PLEKHG3: variants seen among roughly 807,000 people sequenced by gnomAD.
PLEKHG3 encodes the protein pleckstrin homology domain-containing family G member 3.
PLEKHG3 carries 62 observed loss-of-function variants against 94.9 expected under a neutral mutation model. The observed-to-expected ratio is 0.65, with a 90% confidence interval of 0.53 to 0.81. The LOEUF (loss-of-function observed/expected upper bound fraction) is 0.81, where lower values mean the gene tolerates loss of function less well. Among genes scored for constraint, PLEKHG3 ranks in the 30% least tolerant of loss-of-function variants. PLEKHG3 has a pLI of 0.00. For missense variants in PLEKHG3, 1,461 were observed against 1,619.3 expected (o/e 0.90, Z 1.68); for synonymous variants, 614 against 654.0 (o/e 0.94, Z 0.93).
Position 64,727,473 on chromosome 14 carries a change from C to T in PLEKHG3, c.-39-120C>T. The T allele has an allele frequency of 1.7e-6, 1 of 588,178 alleles. No homozygotes were observed. Among genetic ancestry groups the T allele is most frequent in the Non-Finnish European group, 3.0e-6 (1 of 328,472 alleles). The allele number at this position is 588,178 out of a possible 1,614,324, so 36.4% of individuals were successfully genotyped here. The stretch of plus-strand genomic sequence containing the variant: ...AACCTTTTCATCTTCTAAAACTGAA[C>T]TCTGGATGCACTAAATAATACCTTC... On this transcript the variant is annotated intron_variant, in intron 1 of 16. Coordinates refer to ENST00000247226, the MANE Select transcript of PLEKHG3 (RefSeq NM_001308147.2). The surrounding 1 kb of genome is among the most constrained non-coding windows in gnomAD (Gnocchi z 6.0).
chr14:64,734,238 A>C (rs143574846), intron 12 of PLEKHG3, among the ~76,000 whole-genome samples: 2 of 152,168 alleles, frequency 1.3e-5, no homozygotes, highest in South Asian at 4.1e-4. Flanking sequence ...AAAGCTCCAA[A>C]TAGGGGTGTT....
Position 64,747,917 on chromosome 14 carries a change from T to G in PLEKHG3, c.*4214T>G. 6.6e-6 allele frequency: 1 copy of G among 151,388 alleles called. No homozygotes were observed. Among genetic ancestry groups the G allele is most frequent in the East Asian group, 2.0e-4 (1 of 5,116 alleles). 9.4% of individuals were successfully genotyped at this position (151,388 alleles called of 1,614,324 possible). ...GTGGTGGGGAAAATATGGAATGAGC[T>G]TTCTCTTCCTCCAGAAGTATGACCT... On this transcript the variant is annotated 3_prime_UTR_variant, in exon 17 of 17. Transcript: ENST00000247226.
rs58480790 is a variant in PLEKHG3, at chr14:64,716,496, AACAC to A, written c.-39-11045_-39-11042del. Among the ~76,000 whole-genome samples, 3,795 of 79,440 alleles carry A rather than the reference AACAC, an allele frequency of 0.048. 78 individuals are homozygous for A. Among genetic ancestry groups the A allele is most frequent in the Middle Eastern group, 0.087 (11 of 126 alleles). The allele number at this position is 79,440 out of a possible 152,430, so 52.1% of individuals were successfully genotyped here. A position where few individuals can be genotyped will look rare whatever the true frequency, so the allele number is the denominator to read the frequency against. On this transcript the variant is annotated intron_variant, in intron 1 of 16. Coordinates refer to ENST00000247226, the MANE Select transcript of PLEKHG3 (RefSeq NM_001308147.2). The surrounding 1 kb of genome is among the most constrained non-coding windows in gnomAD (Gnocchi z 5.0). ...ACACACACACAACACACACACACAC[AACAC>A]ACACACACACACACACACACACACA...
chr14:64,743,093 T>C lies in PLEKHG3; in HGVS notation c.3050T>C (p.Phe1017Ser), dbSNP rs762491909. The C allele has an allele frequency of 6.2e-7, 1 of 1,613,052 alleles. No individual in the cohort carries two copies. Among genetic ancestry groups the C allele is most frequent in the Non-Finnish European group, 8.5e-7 (1 of 1,179,996 alleles). The stretch of plus-strand genomic sequence containing the variant: ...GAGATGTCACCACAGCGTTTCTTCT[T>C]CAACCCGTCTGCTGTCAGCCAGAGG... ...AGEMSPQRFF[F>S]NPSAVSQRTT... Residue 1017 changes from phenylalanine to serine, a missense_variant, in exon 17 of 17, where the codon TTC becomes TCC. Phe to Ser is a radical substitution (Grantham distance 155). This residue lies in a region of PLEKHG3 where 1,201 missense variants were observed against 1,295.5 expected (regional missense o/e 0.93). Coordinates refer to ENST00000247226, the MANE Select transcript of PLEKHG3 (RefSeq NM_001308147.2). This position sits in a 1 kb window ranked among gnomAD's most constrained non-coding sequence, Gnocchi z 7.2.
intron 14 of PLEKHG3, 96 bp downstream of exon 14, chr14:64,737,471 T>C (rs2081594397): frequency 1.2e-6 from 1 of 801,426 alleles, no homozygotes; most frequent in Non-Finnish European, 2.0e-6. Flanking sequence ...TCTTCATTCA[T>C]TCAACAAATG....
chr14:64,714,955 T>C (rs2081116100), intron 1 of PLEKHG3, among the ~76,000 whole-genome samples: 1 of 152,138 alleles, frequency 6.6e-6, no homozygotes, highest in South Asian at 2.1e-4. Flanking sequence ...AGGAGGTTGT[T>C]ACTGAGTTGA....
rs192973592 is a variant in PLEKHG3, at chr14:64,718,524, G to A, written c.-39-9069G>A. Among the ~76,000 whole-genome samples the A allele has an allele frequency of 1.8e-4, 28 of 152,262 alleles. No homozygotes were observed. The highest frequency in any genetic ancestry group is 1.6e-3 in the Admixed American group (24 of 15,302). On this transcript the variant is annotated intron_variant, in intron 1 of 16. Transcript: ENST00000247226. This position sits in a 1 kb window ranked among gnomAD's most constrained non-coding sequence, Gnocchi z 5.0. ...TGCAGGGCTGCCATGATGTCTTTGT[G>A]CACAGTAGGTGCTTGGTAAACAGCT...
Position 64,718,239 on chromosome 14 carries a change from A to G in PLEKHG3, c.-39-9354A>G, listed in dbSNP as rs2081202622. On this transcript the variant is annotated intron_variant, in intron 1 of 16. Transcript: ENST00000247226. The surrounding 1 kb of genome is among the most constrained non-coding windows in gnomAD (Gnocchi z 5.0). ...GGACTCAAGGCATTGTTTTGTGAATACTCTGTTTATATGGCCATTTTTCCT... is the reference window on the plus strand; with the variant it reads ...GGACTCAAGGCATTGTTTTGTGAATGCTCTGTTTATATGGCCATTTTTCCT... 1.3e-5 allele frequency among the ~76,000 whole-genome samples: 2 copies of G among 151,946 alleles called. No individual in the cohort carries two copies.
Position 64,742,114 on chromosome 14 carries a change from C to T in PLEKHG3, c.2597C>T (p.Pro866Leu), listed in dbSNP as rs751908581. ...AITEESATAS[P>L]ESSSPTEGRS... ...ACAGAGGAGTCGGCCACTGCCTCCC[C>T]GGAAAGCTCCTCTCCCACTGAGGGG... The change falls in exon 16 of 17, where the codon CCG becomes CTG. Residue 866 changes from proline to leucine, a missense_variant. Pro to Leu is a moderately conservative substitution (Grantham distance 98). This residue lies in a region of PLEKHG3 where 1,201 missense variants were observed against 1,295.5 expected (regional missense o/e 0.93). Coordinates refer to ENST00000247226, the MANE Select transcript of PLEKHG3 (RefSeq NM_001308147.2). 76 of 1,610,418 alleles carry T rather than the reference C, an allele frequency of 4.7e-5. No homozygotes were observed. The highest frequency in any genetic ancestry group is 1.6e-4 in the Middle Eastern group (1 of 6,078).
rs1435790446 is a variant in PLEKHG3 at position 64,748,506 on chromosome 14, T to C, written c.*4803T>C. ...CCTAGCCACGGTTTTCAATGAGGAA[T>C]GGTCTGACCTTGCTGCCCTTCCTGG... is the stretch of plus-strand genomic sequence containing the variant. On this transcript the variant is annotated 3_prime_UTR_variant, in exon 17 of 17. Transcript: ENST00000247226. 1 of 152,346 alleles carries C rather than the reference T, an allele frequency of 6.6e-6. No homozygotes were observed. The highest frequency in any genetic ancestry group is 1.5e-5 in the Non-Finnish European group (1 of 68,158). 9.4% of individuals were successfully genotyped at this position (152,346 alleles called of 1,614,324 possible). A position where few individuals can be genotyped will look rare whatever the true frequency, so the allele number is the denominator to read the frequency against.
Position 64,727,548 on chromosome 14 carries a change from G to A in PLEKHG3, c.-39-45G>A. 1 of 450,774 alleles carries A rather than the reference G, an allele frequency of 2.2e-6. No individual in the cohort carries two copies. The highest frequency in any genetic ancestry group is 1.9e-5 in the South Asian group (1 of 51,382). The allele number at this position is 450,774 out of a possible 1,614,324, so 27.9% of individuals were successfully genotyped here. ...GCAACCGTCCCTCTGTTCTGTTTCTGTGGGCATTCAGAGGTTGACCCTTCA... is the reference window on the plus strand; with the variant it reads ...GCAACCGTCCCTCTGTTCTGTTTCTATGGGCATTCAGAGGTTGACCCTTCA... On this transcript the variant is annotated intron_variant, in intron 1 of 16. Transcript: ENST00000247226. This position sits in a 1 kb window ranked among gnomAD's most constrained non-coding sequence, Gnocchi z 6.0.
In PLEKHG3 at chr14:64,728,654, G is replaced by C. The variant is rs1475324492; in HGVS notation, c.352-342G>C. ...TGGCAGTCTTTGACATTGTTGGCCT[G>C]GAGATGCGGCCCAGCACCTTCCCAT... On this transcript the variant is annotated intron_variant, in intron 2 of 16. Transcript: ENST00000247226. The surrounding 1 kb of genome is among the most constrained non-coding windows in gnomAD (Gnocchi z 5.9). Among the ~76,000 whole-genome samples the C allele has an allele frequency of 6.6e-6, 1 of 152,142 alleles. No individual in the cohort carries two copies. Among genetic ancestry groups the C allele is most frequent in the Non-Finnish European group, 1.5e-5 (1 of 68,026 alleles).
chr14:64,740,933 G>A, intron 15 of PLEKHG3, 103 bp from the exon 16 acceptor site: 2 of 923,396 alleles, frequency 2.2e-6, no homozygotes, highest in Non-Finnish European at 3.3e-6. Context: ...CTAAACTACA[G>A]GTCCCTGTCA....
At position 64,741,518 on chromosome 14, in the gene PLEKHG3, A is replaced by C; in HGVS notation, c.2001A>C (p.Pro667=). ...ACTCCCTCAGCTGTCAGCTCTCCCC[A>C]GAAGTGGACATCAGTGTGGGGGTGG... ...ATDSLSCQLS[P]EVDISVGVAT... The change falls in exon 16 of 17, where the codon CCA becomes CCC. Residue 667 remains proline, a synonymous_variant. Transcript: ENST00000247226. The C allele has an allele frequency of 6.2e-7, 1 of 1,612,920 alleles. No homozygotes were observed. Among genetic ancestry groups the C allele is most frequent in the South Asian group, 1.1e-5 (1 of 91,072 alleles).
At chr14:64,733,164 CTT>C (rs112116298) in intron 12 of PLEKHG3, among the ~76,000 whole-genome samples, 15 of 135,316 alleles carry the variant, frequency 1.1e-4, no homozygotes, top group Admixed American at 1.5e-4. Flanking sequence ...TTTTCTTTTT[CTT>C]TTTTTTTTTT....
Position 64,731,944 on chromosome 14 carries a change from C to A in PLEKHG3, c.1125+138C>A. 1.2e-6 allele frequency: 1 copy of A among 839,148 alleles called. No individual in the cohort carries two copies. The highest frequency in any genetic ancestry group is 2.0e-6 in the Non-Finnish European group (1 of 501,380). 52.0% of individuals were successfully genotyped at this position (839,148 alleles called of 1,614,324 possible). On this transcript the variant is annotated intron_variant, in intron 9 of 16. Transcript: ENST00000247226. This position sits in a 1 kb window ranked among gnomAD's most constrained non-coding sequence, Gnocchi z 6.1. ...TGTGAGGCAAGGATCATTGCAGGCA[C>A]CTCTCAGGGTCAAAGTGAGGAGTCA...
Position 64,730,321 on chromosome 14 carries a change from G to C in PLEKHG3, c.519+9G>C. 6.6e-7 allele frequency: 1 copy of C among 1,520,090 alleles called. No individual in the cohort carries two copies. Among genetic ancestry groups the C allele is most frequent in the Non-Finnish European group, 8.8e-7 (1 of 1,132,380 alleles). 94.2% of individuals were successfully genotyped at this position (1,520,090 alleles called of 1,614,324 possible). A position where few individuals can be genotyped will look rare whatever the true frequency, so the allele number is the denominator to read the frequency against. On this transcript the variant is annotated intron_variant, in intron 4 of 16. Coordinates refer to ENST00000247226, the MANE Select transcript of PLEKHG3 (RefSeq NM_001308147.2). This position sits in a 1 kb window ranked among gnomAD's most constrained non-coding sequence, Gnocchi z 5.4. ...GCTGCTTTGTGGAAAGGGTAAGAAG[G>C]GCTGGGTCCTTGCCTCTGTCCTACC... is the stretch of plus-strand genomic sequence containing the variant.
Position 64,741,084 on chromosome 14 carries a change from G to A in PLEKHG3, c.1567G>A (p.Val523Met). ...AGSEQEVFSA[V>M]EGPSAEETPS... ...GAGTGAGCAAGAGGTATTTTCTGCT[G>A]TGGAAGGGCCCAGTGCCGAGGAGAC... is the stretch of plus-strand genomic sequence containing the variant. Residue 523 changes from valine to methionine, a missense_variant, in exon 16 of 17, where the codon GTG becomes ATG. Around this residue, in one of 3 missense-constraint regions of PLEKHG3, gnomAD observed 1,201 missense variants for 1,295.5 expected, o/e 0.93. Transcript: ENST00000247226. 3 of 1,609,964 alleles carry A rather than the reference G, an allele frequency of 1.9e-6. No homozygotes were observed. The highest frequency in any genetic ancestry group is 2.5e-6 in the Non-Finnish European group (3 of 1,177,060).
At chr14:64,710,430 G>A (rs1278277242) in intron 1 of PLEKHG3, among the ~76,000 whole-genome samples, 1 of 152,248 alleles carries the variant, frequency 6.6e-6, no homozygotes, top group African/African-American at 2.4e-5. Flanking sequence ...AACACTTTGA[G>A]AGGCTGATGC....
Sources: gnomAD v4.1 joint callset for allele counts (sites outside exome capture counted in the v4.1 genomes callset) on GRCh38, gnomAD v4.1.1 for gene constraint, gnomAD v4.1.1 regional missense constraint, Gnocchi (gnomAD v3.1) non-coding constraint, MANE v1.5 for transcripts, NCBI Gene and HGNC (gene_info 2026-07-23, HGNC 2026-07-21) for gene names.